CUL2: variants seen among roughly 807,000 people sequenced by gnomAD.
CUL2 encodes cullin-2.
Under a neutral mutation model 110.2 loss-of-function variants are expected in CUL2, and 22 were observed. The observed-to-expected ratio is 0.20, with a 90% confidence interval of 0.14 to 0.28. CUL2 has a LOEUF of 0.28. CUL2 is among the 10% of genes least tolerant of loss of function. CUL2 has a pLI of 1.00. For missense variants in CUL2, 631 were observed against 905.5 expected (o/e 0.70, Z 3.89); for synonymous variants, 279 against 293.2 (o/e 0.95, Z 0.49).
chr10:35,058,844 A>G (rs2086310075), intron 4 of CUL2, among the ~76,000 whole-genome samples: 1 of 152,120 alleles, frequency 6.6e-6, no homozygotes, highest in Non-Finnish European at 1.5e-5. Context: ...TTTTCCTGGG[A>G]GCATCCTTAA....
rs147832659 is a variant in CUL2 at position 35,061,416 on chromosome 10, C to G, written c.223-448G>C. On this transcript the variant is annotated intron_variant, in intron 3 of 20. Transcript: ENST00000374749. ...CTTGAACCCGATCGCACCGAGACCC[C>G]ACCACTGCACTCCAGGCTGGGTGAC... Among the ~76,000 whole-genome samples the G allele has an allele frequency of 6.7e-3, 1,002 of 149,668 alleles. 8 individuals carry two copies. Among genetic ancestry groups the G allele is most frequent in the African/African-American group, 0.019 (772 of 40,556 alleles).
chr10:35,014,661 G>A (rs758690956), intron 18 of CUL2, among the ~76,000 whole-genome samples: 4 of 151,446 alleles, frequency 2.6e-5, no homozygotes, highest in African/African-American at 7.3e-5. Context: ...AGCAAAACCC[G>A]GTCTCTACTA....
rs567416617 is a variant in CUL2, at chr10:35,076,419, A to C, written c.-22-5080T>G. On this transcript the variant is annotated intron_variant, in intron 1 of 20. Coordinates refer to ENST00000374749, the MANE Select transcript of CUL2 (RefSeq NM_003591.4). ...TGAATGGTATGTGACGTATATCTCA[A>C]TAAAGCTGCTATACATTTAACAATG... 2.6e-5 allele frequency among the ~76,000 whole-genome samples: 4 copies of C among 152,326 alleles called. No individual in the cohort carries two copies. In the South Asian group the frequency reaches 8.3e-4, roughly 32 times the overall value.
At chr10:35,016,690 G>A (rs2085041777) in intron 17 of CUL2, among the ~76,000 whole-genome samples, 1 of 152,100 alleles carries the variant, frequency 6.6e-6, no homozygotes, top group Non-Finnish European at 1.5e-5. Flanking sequence ...ACTGTGGGAG[G>A]CCGAGGCAGA....
In CUL2 at chr10:35,103,149, T is replaced by C. The variant is rs980124282; in HGVS notation, c.-50-2089A>G. On this transcript the variant is annotated intron_variant, in intron 1 of 5. Coordinates refer to the CUL2 transcript ENST00000685421. Reference sequence around the variant, plus strand: ...AAATCTACTTGACTCAAAAAAATTTTTTTTTGTTTTTGAGACAGAGTCTTG... The same window carrying C: ...AAATCTACTTGACTCAAAAAAATTTCTTTTTGTTTTTGAGACAGAGTCTTG... 4.0e-5 allele frequency among the ~76,000 whole-genome samples: 6 copies of C among 151,836 alleles called. 1 individual carries two copies. The highest frequency in any genetic ancestry group is 2.6e-4 in the Admixed American group (4 of 15,188).
At chr10:35,037,857 A>G (rs1200045206) in intron 9 of CUL2, among the ~76,000 whole-genome samples, 1 of 151,824 alleles carries the variant, frequency 6.6e-6, no homozygotes, top group African/African-American at 2.4e-5. Context: ...AACAAAAACA[A>G]AAAGCCTGAT....
intron 8 of CUL2, 89 bp from the exon 9 acceptor site, chr10:35,039,171 A>T: frequency 1.4e-6 from 1 of 694,664 alleles, no homozygotes; most frequent in Non-Finnish European, 2.2e-6. Flanking sequence ...GCCAAATTTT[A>T]ATGGCTGAAT....
intron 4 of CUL2, 143 bp from the exon 5 acceptor site, chr10:35,054,682 TAG>T: frequency 2.0e-6 from 1 of 499,282 alleles, no homozygotes; most frequent in Non-Finnish European, 3.5e-6. Context: ...ATGAATTATG[TAG>T]AGATTAGAAA....
rs1160022554 is a variant in CUL2 at position 35,049,772 on chromosome 10, G to A, written c.424-7C>T. The A allele has an allele frequency of 4.4e-6, 7 of 1,602,686 alleles. No individual in the cohort carries two copies. The highest frequency in any genetic ancestry group is 1.1e-5 in the South Asian group (1 of 89,850). ...TCCACATATCCAATGCTAGCTGCCG[G>A]GAAAAACGAAAATCATCAGGGCTGA... On this transcript the variant is annotated splice_region_variant and splice_polypyrimidine_tract_variant and intron_variant, in intron 5 of 20. Coordinates refer to ENST00000374749, the MANE Select transcript of CUL2 (RefSeq NM_003591.4).
intron 4 of CUL2, among the ~76,000 whole-genome samples, chr10:35,055,046 G>C (rs766407579): frequency 1.7e-4 from 26 of 152,168 alleles, no homozygotes; most frequent in African/African-American, 2.4e-4. Flanking sequence ...TTGTCTACCA[G>C]AGGAAAATGA....
chr10:35,033,758 A>AC (rs1440867313), intron 10 of CUL2, among the ~76,000 whole-genome samples: 1 of 5,088 alleles, frequency 2.0e-4, no homozygotes, highest in African/African-American at 5.0e-4. Context: ...AACAACAACA[A>AC]AAAAAAAAAA....
rs767264955 is a variant in CUL2, at chr10:35,044,885, C to T, written c.507-17G>A. On this transcript the variant is annotated splice_polypyrimidine_tract_variant and intron_variant, in intron 6 of 20. Transcript: ENST00000374749. ...CCACGATCACTAAAACAAGGTATAA[C>T]ACAAAATATTCTTGAGAATACAAAT... The T allele has an allele frequency of 2.5e-6, 4 of 1,569,116 alleles. No individual in the cohort carries two copies. The highest frequency in any genetic ancestry group is 3.5e-6 in the Non-Finnish European group (4 of 1,143,738).
chr10:35,028,998 T>C, intron 15 of CUL2, 111 bp from the exon 16 acceptor site: 1 of 658,356 alleles, frequency 1.5e-6, no homozygotes, highest in South Asian at 2.3e-5. Context: ...TTCCTCAAAA[T>C]GTTGATGAAA....
chr10:35,020,871 CT>C (rs1219459722), intron 17 of CUL2, among the ~76,000 whole-genome samples: 1 of 151,942 alleles, frequency 6.6e-6, no homozygotes, highest in Non-Finnish European at 1.5e-5. Context: ...TCACAGATTG[CT>C]TCTTAAAATT....
intron 2 of CUL2, 102 bp downstream of exon 2, chr10:35,071,097 A>G: frequency 8.8e-7 from 1 of 1,137,770 alleles, no homozygotes; most frequent in Non-Finnish European, 1.3e-6. Flanking sequence ...ATATTAGAAA[A>G]TAGTTACATG....
intron 2 of CUL2, among the ~76,000 whole-genome samples, chr10:35,069,044 T>C (rs888849901): frequency 1.3e-5 from 2 of 152,104 alleles, no homozygotes; most frequent in African/African-American, 4.8e-5. Context: ...AATTTTTGTA[T>C]TTTTAGTAGA....
chr10:35,082,049 C>A (rs971661697), intron 1 of CUL2, among the ~76,000 whole-genome samples: 2 of 151,862 alleles, frequency 1.3e-5, no homozygotes, highest in African/African-American at 4.8e-5. Context: ...GTAATCCCAG[C>A]ATTTTGGGAG....
chr10:35,017,849 A>G (rs574258152), intron 17 of CUL2, among the ~76,000 whole-genome samples: 26 of 150,994 alleles, frequency 1.7e-4, no homozygotes, highest in Non-Finnish European at 3.2e-4. Flanking sequence ...AAACATGTCT[A>G]CACTCTGTAA....
Position 35,028,730 on chromosome 10 carries a change from A to G in CUL2, c.1617+80T>C, listed in dbSNP as rs538612714. ...TATCACATGAACCCTTAAGACTCTG[A>G]AAAAATATTAAAGGTGATATAATAT... On this transcript the variant is annotated intron_variant, in intron 16 of 20. Transcript: ENST00000374749. 9.4e-5 allele frequency: 87 copies of G among 927,346 alleles called. 1 individual carries two copies. The South Asian group carries it at 1.1e-3, about 12-fold the overall frequency. The allele number at this position is 927,346 out of a possible 1,614,324, so 57.4% of individuals were successfully genotyped here. A position where few individuals can be genotyped will look rare whatever the true frequency, so the allele number is the denominator to read the frequency against.
Sources: allele counts gnomAD v4.1 joint callset (sites outside exome capture counted in the v4.1 genomes callset), GRCh38; gene constraint gnomAD v4.1.1; transcripts MANE v1.5; gene names NCBI Gene and HGNC (gene_info 2026-07-23, HGNC 2026-07-21).